Variants in ITSN1 observed in about 807,000 individuals in gnomAD.
The protein encoded by ITSN1 is intersectin-1.
A neutral mutation model predicts 239.8 loss-of-function variants in ITSN1; 58 were observed. The observed-to-expected ratio is 0.24, with a 90% confidence interval of 0.20 to 0.30. The LOEUF (loss-of-function observed/expected upper bound fraction) is 0.30. Ranked by LOEUF, ITSN1 falls within the 10% of genes least tolerant of loss-of-function variation. ITSN1 has a pLI of 1.00. For missense variants in ITSN1, 1,558 were observed against 2,103.3 expected (o/e 0.74, Z 5.07); for synonymous variants, 780 against 770.8 (o/e 1.01, Z -0.20).
intron 33 of ITSN1, among the ~76,000 whole-genome samples, chr21:33,871,214 T>C (rs1982657496): frequency 1.3e-5 from 2 of 152,026 alleles, no homozygotes; most frequent in Admixed American, 6.6e-5. Context: ...TAAATAATTA[T>C]GGTAGATCTG....
At chr21:33,863,762 C>T (rs1227829187) in intron 31 of ITSN1, among the ~76,000 whole-genome samples, 5 of 152,210 alleles carry the variant, frequency 3.3e-5, no homozygotes, top group South Asian at 2.1e-4. Context: ...AAGTTTATAA[C>T]GTGGCTATCC....
chr21:33,705,451 G>A (rs147879908), intron 1 of ITSN1, among the ~76,000 whole-genome samples: 7,256 of 152,040 alleles, frequency 0.048, 262 homozygotes, highest in Non-Finnish European at 0.07. Context: ...GCAGTGGCAC[G>A]ATCTCAGCTC....
At chr21:33,769,699 C>CTTT (rs201243816) in intron 11 of ITSN1, among the ~76,000 whole-genome samples, 1 of 145,486 alleles carries the variant, frequency 6.9e-6, no homozygotes, top group Non-Finnish European at 1.5e-5. Context: ...CTGTCTCTGC[C>CTTT]TTTTTTTTTT....
intron 17 of ITSN1, among the ~76,000 whole-genome samples, chr21:33,795,447 C>G (rs986213950): frequency 1.3e-5 from 2 of 152,166 alleles, no homozygotes; most frequent in Non-Finnish European, 2.9e-5. Context: ...GACTCTGTCT[C>G]AAGAAATTAG....
chr21:33,736,278 G>T (rs1394816465), intron 5 of ITSN1, among the ~76,000 whole-genome samples: 1 of 152,184 alleles, frequency 6.6e-6, no homozygotes, highest in South Asian at 2.1e-4. Context: ...TTCGGAGGGG[G>T]CAGTCAACAG....
At chr21:33,879,542 CA>C (rs1387097522) in intron 34 of ITSN1, among the ~76,000 whole-genome samples, 4 of 152,228 alleles carry the variant, frequency 2.6e-5, no homozygotes, top group African/African-American at 7.2e-5. Context: ...GGGACTCAAG[CA>C]GCCCCTGCAC....
chr21:33,841,173 T>A (rs575049042), intron 29 of ITSN1, among the ~76,000 whole-genome samples: 1 of 152,232 alleles, frequency 6.6e-6, no homozygotes, highest in African/African-American at 2.4e-5. Context: ...TCCCTGTTTC[T>A]GGAAAGGAAT....
chr21:33,682,805 A>AGCCACCACCCCCG (rs11273835), intron 1 of ITSN1, among the ~76,000 whole-genome samples: 6,635 of 150,758 alleles, frequency 0.044, 482 homozygotes, highest in African/African-American at 0.15. Context: ...TGCAGGCTTG[A>AGCCACCACCCCCG]GCCCTTTTTT....
At chr21:33,661,894 C>T (rs1382940483) in intron 1 of ITSN1, among the ~76,000 whole-genome samples, 2 of 151,932 alleles carry the variant, frequency 1.3e-5, no homozygotes, top group Non-Finnish European at 2.9e-5. Flanking sequence ...GTCCATTAAA[C>T]CTCTTTTTCT....
chr21:33,651,152 C>T (rs907092667), intron 1 of ITSN1, among the ~76,000 whole-genome samples: 1 of 152,134 alleles, frequency 6.6e-6, no homozygotes, highest in Non-Finnish European at 1.5e-5. Context: ...CCTGGAGGCC[C>T]GAGGGCTCTG....
intron 1 of ITSN1, among the ~76,000 whole-genome samples, chr21:33,695,244 T>TAAACTTATTTATTTTGAGGCCTTACTC (rs2091744388): frequency 1.3e-5 from 2 of 152,252 alleles, no homozygotes; most frequent in African/African-American, 4.8e-5. Flanking sequence ...ATATCTGTAT[T>TAAACTTATTTATTTTGAGGCCTTACTC]AAACTTATTT....
In ITSN1 at chr21:33,856,775, C is replaced by G; in HGVS notation, c.3701C>G (p.Thr1234Ser). 1.9e-6 allele frequency: 3 copies of G among 1,614,036 alleles called. No homozygotes were observed. The highest frequency in any genetic ancestry group is 2.5e-6 in the Non-Finnish European group (3 of 1,179,980). The stretch of plus-strand genomic sequence containing the variant: ...CATCTCTTGGATATGTTGACCCCAA[C>G]TGAAAGAAAGCGACAAGGATACATC... ...DLHLLDMLTP[T>S]ERKRQGYIHE... is the part of the protein sequence containing the mutation. Residue 1234 changes from threonine (T) to serine (S), a missense_variant, in exon 30 of 40, where the codon ACT becomes AGT. Transcript: ENST00000381318.
chr21:33,785,457 ACTTTC>A (rs66625273), intron 16 of ITSN1, among the ~76,000 whole-genome samples: 25,950 of 152,012 alleles, frequency 0.17, 2,646 homozygotes, highest in East Asian at 0.4. Flanking sequence ...ATACACTTAT[ACTTTC>A]CTTTTCTTTT....
intron 29 of ITSN1, among the ~76,000 whole-genome samples, chr21:33,847,973 A>G (rs1044313672): frequency 6.6e-6 from 1 of 152,096 alleles, no homozygotes; most frequent in African/African-American, 2.4e-5. Flanking sequence ...GGGCACTGGG[A>G]TTTTTAAAAA....
At chr21:33,743,467 TA>T (rs2066989563) in intron 5 of ITSN1, among the ~76,000 whole-genome samples, 1 of 152,094 alleles carries the variant, frequency 6.6e-6, no homozygotes, top group Non-Finnish European at 1.5e-5. Flanking sequence ...CTAGGTCTCC[TA>T]AATAAATAAA....
chr21:33,667,772 G>A (rs551322341), intron 1 of ITSN1, among the ~76,000 whole-genome samples: 2 of 152,262 alleles, frequency 1.3e-5, no homozygotes, highest in South Asian at 2.1e-4. Flanking sequence ...CACAGTATGC[G>A]ATCTATGTAA....
At chr21:33,780,078 C>T (rs2070028098) in intron 14 of ITSN1, among the ~76,000 whole-genome samples, 1 of 152,166 alleles carries the variant, frequency 6.6e-6, no homozygotes, top group East Asian at 1.9e-4. Context: ...GTGATCTGCC[C>T]ACCTTGGCCT....
chr21:33,887,037 G>A (rs567776492), intron 39 of ITSN1, among the ~76,000 whole-genome samples: 35 of 152,192 alleles, frequency 2.3e-4, no homozygotes, highest in South Asian at 1.2e-3. Flanking sequence ...AAAAATCACC[G>A]GTGGGCATGG....
rs557284906 is a variant in ITSN1, at chr21:33,672,893, G to A, written c.-33+30180G>A. 4.6e-5 allele frequency among the ~76,000 whole-genome samples: 7 copies of A among 152,210 alleles called. No homozygotes were observed. The East Asian group carries it at 5.8e-4, about 13-fold the overall frequency. On this transcript the variant is annotated intron_variant, in intron 1 of 39. Coordinates refer to ENST00000381318, the MANE Select transcript of ITSN1 (RefSeq NM_003024.3). ...CGCCCTGCTAATTTTTGTATTTTTC[G>A]TAGAGATAGGGTTTCACCATGTTGG...
Sources: allele counts gnomAD v4.1 joint callset (sites outside exome capture counted in the v4.1 genomes callset), GRCh38; gene constraint gnomAD v4.1.1; transcripts MANE v1.5; gene names NCBI Gene and HGNC (gene_info 2026-07-23, HGNC 2026-07-21).